Variants in IL10RB observed in about 807,000 individuals in gnomAD.
IL10RB encodes interleukin-10 receptor subunit beta.
In IL10RB, 30 loss-of-function variants were observed where a neutral mutation model predicts 38.7. The ratio of observed to expected loss-of-function variants is 0.78; its 90% confidence interval spans 0.58 to 1.05. The LOEUF (loss-of-function observed/expected upper bound fraction) is 1.05. Among genes scored for constraint, IL10RB ranks in the 50% least tolerant of loss-of-function variants. IL10RB has a pLI of 0.00. For synonymous variants in IL10RB, 142 were observed against 145.9 expected, an observed-to-expected ratio of 0.97 and a Z score of 0.19; for missense variants, 328 against 397.1, an observed-to-expected ratio of 0.83 and a Z score of 1.48.
At position 33,288,036 on chromosome 21, in the gene IL10RB, A is replaced by G. The variant is rs1241447227; in HGVS notation, c.647-68A>G. On this transcript the variant is annotated intron_variant, in intron 5 of 6. Transcript: ENST00000290200. ...TCTGTTTTCAGGGATTGTGATGGTT[A>G]AAATGCTCTTGGGATCACTGTGACC... is the stretch of plus-strand genomic sequence containing the variant. 35 of 1,448,398 alleles carry G rather than the reference A, an allele frequency of 2.4e-5. 1 individual carries two copies. Among genetic ancestry groups the G allele is most frequent in the Non-Finnish European group, 2.9e-6 (3 of 1,029,322 alleles). The allele number at this position is 1,448,398 out of a possible 1,614,324, so 89.7% of individuals were successfully genotyped here. A position where few individuals can be genotyped will look rare whatever the true frequency, so the allele number is the denominator to read the frequency against.
chr21:33,272,875 A>C (rs1989106275), intron 2 of IL10RB, among the ~76,000 whole-genome samples: 1 of 152,134 alleles, frequency 6.6e-6, no homozygotes, highest in Admixed American at 6.5e-5. Context: ...GGCATGTCCA[A>C]ATGTCATCTC....
intron 6 of IL10RB, 104 bp downstream of exon 6, chr21:33,288,365 A>G (rs1601835645): frequency 1.2e-6 from 1 of 810,692 alleles, no homozygotes; most frequent in East Asian, 2.5e-5. Flanking sequence ...TTCCAGGAAA[A>G]CACACACGCG....
At chr21:33,307,661 C>G (rs1350185928) in intron 1 of IL10RB, among the ~76,000 whole-genome samples, 1 of 152,188 alleles carries the variant, frequency 6.6e-6, no homozygotes, top group African/African-American at 2.4e-5. Flanking sequence ...TATGCTCTTC[C>G]CTAAGCATGG....
intron 2 of IL10RB, among the ~76,000 whole-genome samples, chr21:33,274,723 G>A (rs1989139106): frequency 6.6e-6 from 1 of 152,186 alleles, no homozygotes; most frequent in South Asian, 2.1e-4. Context: ...GTAAACAGAT[G>A]TGCCGTCCTC....
chr21:33,287,135 C>G (rs755160418), intron 5 of IL10RB, among the ~76,000 whole-genome samples: 7 of 152,094 alleles, frequency 4.6e-5, no homozygotes, highest in Non-Finnish European at 8.8e-5. Context: ...ATACATGTCT[C>G]AAAGGGACAG....
At chr21:33,276,523 A>G in intron 2 of IL10RB, 73 bp from the exon 3 acceptor site, 1 of 1,292,688 alleles carries the variant, frequency 7.7e-7, no homozygotes, top group Admixed American at 1.7e-5. Flanking sequence ...CCCCCTCCAA[A>G]TTAAGTACCA....
intron 3 of IL10RB, 71 bp downstream of exon 3, chr21:33,276,824 C>A: frequency 7.5e-7 from 1 of 1,324,782 alleles, no homozygotes; most frequent in Non-Finnish European, 1.1e-6. Flanking sequence ...ATTGGTTGGT[C>A]CATCAACAAG....
chr21:33,290,983 G>A (rs1421255995), intron 6 of IL10RB, among the ~76,000 whole-genome samples: 3 of 152,218 alleles, frequency 2.0e-5, no homozygotes, highest in Non-Finnish European at 4.4e-5. Context: ...GGCTGTGAGG[G>A]AGGATCTGTC....
intron 5 of IL10RB, 147 bp downstream of exon 5, chr21:33,283,388 A>G (rs981508364): frequency 2.3e-6 from 2 of 855,306 alleles, no homozygotes; most frequent in African/African-American, 1.7e-5. Context: ...GCTCAGCTTC[A>G]TGCTAGGAAG....
At chr21:33,281,703 C>T (rs1338326129) in intron 4 of IL10RB, among the ~76,000 whole-genome samples, 1 of 152,178 alleles carries the variant, frequency 6.6e-6, no homozygotes, top group Non-Finnish European at 1.5e-5. Flanking sequence ...CTGCCTCAGC[C>T]TCCCAAGTAG....
chr21:33,276,450 A>G, intron 2 of IL10RB, 146 bp from the exon 3 acceptor site: 1 of 690,370 alleles, frequency 1.4e-6, no homozygotes, highest in Non-Finnish European at 2.6e-6. Flanking sequence ...CAAGTCTCTG[A>G]GAAGTTCTGT....
downstream of IL10RB, among the ~76,000 whole-genome samples, chr21:33,299,128 C>A (rs990919348): frequency 2.0e-5 from 3 of 152,154 alleles, no homozygotes; most frequent in African/African-American, 7.2e-5. Flanking sequence ...ACTCGCACCC[C>A]CTCCCTCTGC....
intron 6 of IL10RB, chr21:33,293,943 G>A (rs960419037): frequency 1.1e-5 from 5 of 470,450 alleles, no homozygotes; most frequent in Admixed American, 2.4e-5. Context: ...AAAAGGTGTT[G>A]TGTTAACTGA....
chr21:33,294,823 A>G (rs1989559286), intron 6 of IL10RB, among the ~76,000 whole-genome samples: 1 of 152,242 alleles, frequency 6.6e-6, no homozygotes. Flanking sequence ...TGGACCTAGG[A>G]AGATGAAGAA....
Position 33,268,484 on chromosome 21 carries a change from A to G in IL10RB, c.140A>G (p.Lys47Arg). The change falls in exon 2 of 7, where the codon AAA becomes AGA. Residue 47 changes from lysine to arginine, a missense_variant. Transcript: ENST00000290200. ...CAGTGGGAGTCACCTGCTTTTGCCA[A>G]AGGGAACCTGACTTTCACAGCTCAG... ...ILQWESPAFA[K>R]GNLTFTAQYL... 6.2e-7 allele frequency: 1 copy of G among 1,613,992 alleles called. No individual in the cohort carries two copies. The highest frequency in any genetic ancestry group is 8.5e-7 in the Non-Finnish European group (1 of 1,179,832).
intron 5 of IL10RB, among the ~76,000 whole-genome samples, chr21:33,286,733 G>A (rs554184692): frequency 4.6e-5 from 7 of 152,166 alleles, no homozygotes; most frequent in South Asian, 2.1e-4. Flanking sequence ...CATGCCTGTC[G>A]TCCCAGCTAC....
intron 3 of IL10RB, among the ~76,000 whole-genome samples, chr21:33,279,215 T>TATGA (rs2123578213): frequency 6.6e-6 from 1 of 152,168 alleles, no homozygotes; most frequent in South Asian, 2.1e-4. Context: ...CAGAGACCCA[T>TATGA]ATGAAGTGAA....
At chr21:33,289,941 C>T (rs952639829) in intron 6 of IL10RB, among the ~76,000 whole-genome samples, 58 of 152,198 alleles carry the variant, frequency 3.8e-4, no homozygotes, top group African/African-American at 1.3e-3. Context: ...GGTGAAACCC[C>T]GTCTCTACTA....
intron 1 of IL10RB, chr21:33,308,355 A>T (rs2083003805): frequency 6.6e-6 from 1 of 152,242 alleles, no homozygotes; most frequent in Non-Finnish European, 1.5e-5. Flanking sequence ...GTCCTGAAAG[A>T]TTCTAAACTT....
Sources: allele counts gnomAD v4.1 joint callset (sites outside exome capture counted in the v4.1 genomes callset), GRCh38; gene constraint gnomAD v4.1.1; transcripts MANE v1.5; gene names NCBI Gene and HGNC (gene_info 2026-07-23, HGNC 2026-07-21).